Variants in OPRM1 observed in about 807,000 individuals in gnomAD.
The protein encoded by OPRM1 is mu-type opioid receptor.
Under a neutral mutation model 31.8 loss-of-function variants are expected in OPRM1, and 27 were observed. That is an observed-to-expected ratio of 0.85 (90% CI 0.63 to 1.17). The LOEUF (loss-of-function observed/expected upper bound fraction) is 1.17, where lower values mean the gene tolerates loss of function less well. Ranked by LOEUF, OPRM1 falls within the 50% of genes most tolerant of loss-of-function variation. The probability of loss-of-function intolerance (pLI) is 0.00; values close to 1 mark genes in which losing one functional copy is unlikely to be tolerated. For synonymous variants in OPRM1, 196 were observed against 189.9 expected (o/e 1.03, Z -0.26); for missense variants, 536 against 511.1 (o/e 1.05, Z -0.47).
chr6:154,022,405 G>C (rs756341855), intron 1 of OPRM1, among the ~76,000 whole-genome samples: 15 of 152,202 alleles, frequency 9.9e-5, no homozygotes, highest in Non-Finnish European at 1.8e-4. Flanking sequence ...CTTCCTTCCA[G>C]AGCAGGGGCC....
At chr6:154,220,078 T>C (rs1778742100) in intron 3 of OPRM1, among the ~76,000 whole-genome samples, 1 of 151,844 alleles carries the variant, frequency 6.6e-6, no homozygotes, top group Non-Finnish European at 1.5e-5. Context: ...TTCATGTTTC[T>C]AGAGCAAGAG....
chr6:154,118,205 G>T (rs1480239193), intron 3 of OPRM1, among the ~76,000 whole-genome samples: 2 of 151,960 alleles, frequency 1.3e-5, no homozygotes, highest in African/African-American at 2.4e-5. Context: ...CTTCAAATCA[G>T]TTACAGGAAA....
rs1308217302 is a variant in OPRM1, at chr6:154,016,510, GGAA to G, written c.-1+5497_-1+5499del. Among the ~76,000 whole-genome samples the G allele has an allele frequency of 7.2e-4, 110 of 152,142 alleles. 1 individual carries two copies. Among genetic ancestry groups the G allele is most frequent in the Admixed American group, 1.9e-3 (29 of 15,266 alleles). On this transcript the variant is annotated intron_variant, in intron 1 of 5. Coordinates refer to the OPRM1 transcript ENST00000434900. ...AATTTTTAAATTACCTTTAAGTGAG[GGAA>G]GAAGGGGAAAAGGCAGTGAGTAAAG...
In OPRM1 at chr6:154,149,304, T is replaced by A. The variant is rs537692525; in HGVS notation, c.1164+57832T>A. On this transcript the variant is annotated intron_variant, in intron 3 of 3. Transcript: ENST00000337049. The stretch of plus-strand genomic sequence containing the variant: ...AGTGGGAAAGTCTCTTACAAAACCA[T>A]CAGATCTTGTGAGAACTCACTCACT... Among the ~76,000 whole-genome samples the A allele has an allele frequency of 5.3e-5, 8 of 152,112 alleles. No homozygotes were observed. In the South Asian group the frequency reaches 1.7e-3, roughly 32 times the overall value.
chr6:154,075,475 C>A (rs1413634035), intron 1 of OPRM1, among the ~76,000 whole-genome samples: 1 of 142,186 alleles, frequency 7.0e-6, no homozygotes. Context: ...TTTTTCCAGA[C>A]GGAATTTCAC....
At chr6:154,170,843 G>A (rs970562376) in intron 3 of OPRM1, among the ~76,000 whole-genome samples, 1 of 152,164 alleles carries the variant, frequency 6.6e-6, no homozygotes, top group Non-Finnish European at 1.5e-5. Flanking sequence ...TTGTTAGTGG[G>A]AATGTAAAAC....
chr6:154,045,785 A>G (rs1009206585), intron 1 of OPRM1, among the ~76,000 whole-genome samples: 3 of 152,158 alleles, frequency 2.0e-5, no homozygotes, highest in African/African-American at 7.2e-5. Flanking sequence ...TGGCACTCAC[A>G]AAGGCACTAT....
intron 3 of OPRM1, among the ~76,000 whole-genome samples, chr6:154,174,075 C>A (rs1482214639): frequency 6.6e-6 from 1 of 152,232 alleles, no homozygotes; most frequent in Middle Eastern, 3.4e-3. Flanking sequence ...CCAAACTAAG[C>A]TTCATAAGTG....
intron 3 of OPRM1, among the ~76,000 whole-genome samples, chr6:154,162,130 T>G (rs7762940): frequency 0.042 from 6,402 of 152,240 alleles, 427 homozygotes; most frequent in African/African-American, 0.14. Flanking sequence ...GCATCTGTGC[T>G]CCTAGTAAAG....
intron 3 of OPRM1, chr6:154,223,074 C>A: frequency 1.0e-6 from 1 of 960,426 alleles, no homozygotes; most frequent in Non-Finnish European, 1.7e-6. Flanking sequence ...TCCGATGTTA[C>A]CTTCACTCAC....
chr6:154,246,658 C>T, intron 3 of OPRM1: 1 of 1,614,094 alleles, frequency 6.2e-7, no homozygotes, highest in Non-Finnish European at 8.5e-7. Context: ...CCATTTGTTG[C>T]TTAGGAAACT....
intron 1 of OPRM1, among the ~76,000 whole-genome samples, chr6:154,018,850 C>A (rs903192495): frequency 3.3e-5 from 5 of 152,296 alleles, no homozygotes; most frequent in East Asian, 1.9e-4. Context: ...TTTCCAGGAA[C>A]CTCACTTGCA....
intron 3 of OPRM1, among the ~76,000 whole-genome samples, chr6:154,204,757 A>G (rs1562539935): frequency 6.6e-6 from 1 of 152,196 alleles, no homozygotes; most frequent in Non-Finnish European, 1.5e-5. Context: ...AACCACAGAT[A>G]GAGTATTTCT....
chr6:154,168,420 G>T lies in OPRM1; in HGVS notation c.1164+76948G>T, dbSNP rs1349243059. Among the ~76,000 whole-genome samples the T allele has an allele frequency of 5.9e-5, 9 of 152,148 alleles. No homozygotes were observed. The highest frequency in any genetic ancestry group is 1.7e-4 in the African/African-American group (7 of 41,504). ...TATTCACATGGGGTGTTCCCTGCAT[G>T]CATGTCTCTGTGTCCAAACTCCCCC... On this transcript the variant is annotated intron_variant, in intron 3 of 3. Coordinates refer to the OPRM1 transcript ENST00000337049. The surrounding 1 kb of genome is among the most constrained non-coding windows in gnomAD (Gnocchi z 4.1).
chr6:154,049,117 C>T lies in OPRM1; in HGVS notation c.290+9283C>T, dbSNP rs184359961. On this transcript the variant is annotated intron_variant, in intron 1 of 3. Transcript: ENST00000330432. ...ATTTAATATATAGCTGATTCACTAA[C>T]GTTGAACTCATGGTTAACAGCACTA... 2.3e-3 allele frequency among the ~76,000 whole-genome samples: 355 copies of T among 152,222 alleles called. 2 individuals are homozygous for T. The highest frequency in any genetic ancestry group is 8.1e-3 in the African/African-American group (336 of 41,542).
At chr6:154,049,031 T>C (rs1781696344) in intron 1 of OPRM1, among the ~76,000 whole-genome samples, 1 of 152,208 alleles carries the variant, frequency 6.6e-6, no homozygotes, top group Non-Finnish European at 1.5e-5. Context: ...GATTATAAAA[T>C]TTTCATCAGC....
intron 3 of OPRM1, chr6:154,159,829 C>T (rs1798862664): frequency 6.2e-7 from 1 of 1,609,242 alleles, no homozygotes; most frequent in Non-Finnish European, 8.5e-7. Context: ...GACTTTGTCT[C>T]AAATGGAATT....
chr6:154,017,261 A>G (rs1445254215), intron 1 of OPRM1, among the ~76,000 whole-genome samples: 1 of 152,186 alleles, frequency 6.6e-6, no homozygotes, highest in Non-Finnish European at 1.5e-5. Context: ...CCTGACAAAT[A>G]GGTGATGCCT....
intron 3 of OPRM1, chr6:154,160,019 T>C: frequency 1.9e-6 from 3 of 1,612,018 alleles, no homozygotes; most frequent in Non-Finnish European, 2.5e-6. Flanking sequence ...TGGTTAATCA[T>C]GGCCAGATCA....
Sources: gnomAD v4.1 joint callset for allele counts (sites outside exome capture counted in the v4.1 genomes callset) on GRCh38, gnomAD v4.1.1 for gene constraint, Gnocchi (gnomAD v3.1) non-coding constraint, MANE v1.5 for transcripts, NCBI Gene and HGNC (gene_info 2026-07-23, HGNC 2026-07-21) for gene names.